The following FBXW9 variants were observed in gnomAD, a reference collection of about 807,000 sequenced individuals.
The protein encoded by FBXW9 is F-box/WD repeat-containing protein 9.
A neutral mutation model predicts 55.8 loss-of-function variants in FBXW9; 38 were observed. The ratio of observed to expected loss-of-function variants is 0.68; its 90% confidence interval spans 0.53 to 0.89. FBXW9 has a LOEUF of 0.89. Ranked by LOEUF, FBXW9 falls within the 40% of genes least tolerant of loss-of-function variation. The probability of loss-of-function intolerance (pLI) is 0.00; values close to 1 mark genes in which losing one functional copy is unlikely to be tolerated. For synonymous variants in FBXW9, 289 were observed against 278.2 expected (o/e 1.04, Z -0.38); for missense variants, 590 against 619.4 (o/e 0.95, Z 0.50).
intron 1 of FBXW9, 137 bp from the exon 2 acceptor site, chr19:12,695,075 C>A (rs2025057564): frequency 1.0e-6 from 1 of 992,546 alleles, no homozygotes; most frequent in Non-Finnish European, 1.4e-6. Context: ...TCCCTACTCC[C>A]ACCCCAAGCC....
Position 12,691,356 on chromosome 19 carries a change from C to G in FBXW9, c.777G>C (p.Gln259His), listed in dbSNP as rs1418960997. Residue 259 changes from glutamine to histidine, a missense_variant, in exon 4 of 10, where the codon CAG becomes CAC. Physicochemically the swap from Gln to His is conservative, Grantham distance 24 (BLOSUM62 0). Transcript: ENST00000393261. ...KLWDMAADGQ[Q>H]FGEIKASSAV... ...CCCCCACACACTTTATCTCGCCGAA[C>G]TGCTGCCCATCCGCTGCCATGTCCC... 1 of 1,613,818 alleles carries G rather than the reference C, an allele frequency of 6.2e-7. No individual in the cohort carries two copies.
Position 12,689,975 on chromosome 19 carries a change from A to G in FBXW9, c.1019T>C (p.Leu340Pro). The change falls in exon 6 of 10, where the codon CTG becomes CCG. Residue 340 changes from leucine (L) to proline (P), a missense_variant. Physicochemically the swap from Leu to Pro is moderately conservative, Grantham distance 98. Coordinates refer to ENST00000393261, the MANE Select transcript of FBXW9 (RefSeq NM_032301.3). The surrounding 1 kb of genome is among the most constrained non-coding windows in gnomAD (Gnocchi z 5.9). ...VVVDRRANSV[L>P]QRLQLDSYLL... ...GGGAGGGCCCACCTGCAGACGCTGC[A>G]GGACGCTGTTGGCTCGGCGGTCCAC... 1 of 1,613,864 alleles carries G rather than the reference A, an allele frequency of 6.2e-7. No homozygotes were observed. Among genetic ancestry groups the G allele is most frequent in the Non-Finnish European group, 8.5e-7 (1 of 1,179,950 alleles).
chr19:12,689,865 A>T lies in FBXW9; in HGVS notation c.1042T>A (p.Tyr348Asn). ...SVLQRLQLDSYLLCMSYQEPQ... is the reference protein window; with the variant it reads ...SVLQRLQLDSNLLCMSYQEPQ... Reference sequence around the variant, plus strand: ...TCCTGGTAGGACATGCAGAGCAGGTAGGAGTCCAGCTACGAGAGGGACAAG... The same window carrying T: ...TCCTGGTAGGACATGCAGAGCAGGTTGGAGTCCAGCTACGAGAGGGACAAG... Residue 348 changes from tyrosine (Y) to asparagine (N), a missense_variant, in exon 7 of 10, where the codon TAC becomes AAC. By Grantham distance (143) the Tyr-to-Asn change is moderately radical. Transcript: ENST00000393261. This position sits in a 1 kb window ranked among gnomAD's most constrained non-coding sequence, Gnocchi z 5.9. 6.2e-7 allele frequency: 1 copy of T among 1,614,004 alleles called. No homozygotes were observed. The highest frequency in any genetic ancestry group is 1.1e-5 in the South Asian group (1 of 91,088).
chr19:12,691,536 G>C (rs555940226), intron 3 of FBXW9, 82 bp from the exon 4 acceptor site: 1 of 1,181,014 alleles, frequency 8.5e-7, no homozygotes, highest in Non-Finnish European at 1.2e-6. Flanking sequence ...TTGCAGGTAA[G>C]GCTCAGAGAG....
intron 3 of FBXW9, 112 bp from the exon 4 acceptor site, chr19:12,691,566 G>C: frequency 1.2e-6 from 1 of 807,150 alleles, no homozygotes; most frequent in Non-Finnish European, 2.0e-6. Flanking sequence ...CTCACCCAAA[G>C]CCACATAGCT....
At chr19:12,694,173 CAA>C (rs780649866) in intron 3 of FBXW9, among the ~76,000 whole-genome samples, 24 of 90,006 alleles carry the variant, frequency 2.7e-4, no homozygotes, top group Admixed American at 3.8e-4. Context: ...GACTCCATCT[CAA>C]AAAAAAAAAA....
chr19:12,691,824 T>C, intron 3 of FBXW9, among the ~76,000 whole-genome samples: 1 of 151,904 alleles, frequency 6.6e-6, no homozygotes, highest in South Asian at 2.1e-4. Context: ...GGCTTGATCT[T>C]GGCTCACTGC....
chr19:12,690,961 C>T (rs539449465), intron 5 of FBXW9, among the ~76,000 whole-genome samples: 2 of 152,294 alleles, frequency 1.3e-5, no homozygotes, highest in South Asian at 4.1e-4. Flanking sequence ...AGTGGGACAG[C>T]CAGAACTCTA....
At chr19:12,695,765 G>A (rs998077342) in intron 1 of FBXW9, among the ~76,000 whole-genome samples, 1 of 152,148 alleles carries the variant, frequency 6.6e-6, no homozygotes. Flanking sequence ...CTTCTAAGCT[G>A]GACTCAGAAC....
Position 12,689,636 on chromosome 19 carries a change from G to C in FBXW9, c.1147-6C>G. ...CTGTGGCCCACATCAAAGGACTGCAGGAGGAGGATCAGGCAACACTCAGTC... is the reference window on the plus strand; with the variant it reads ...CTGTGGCCCACATCAAAGGACTGCACGAGGAGGATCAGGCAACACTCAGTC... On this transcript the variant is annotated splice_polypyrimidine_tract_variant and splice_region_variant and intron_variant, in intron 7 of 9. Coordinates refer to ENST00000393261, the MANE Select transcript of FBXW9 (RefSeq NM_032301.3). This position sits in a 1 kb window ranked among gnomAD's most constrained non-coding sequence, Gnocchi z 5.9. 6.2e-7 allele frequency: 1 copy of C among 1,613,940 alleles called. No homozygotes were observed. The highest frequency in any genetic ancestry group is 8.5e-7 in the Non-Finnish European group (1 of 1,179,854).
intron 3 of FBXW9, among the ~76,000 whole-genome samples, chr19:12,693,252 C>T (rs1474889725): frequency 6.6e-6 from 1 of 151,754 alleles, no homozygotes; most frequent in East Asian, 1.9e-4. Context: ...CCACCTCTCA[C>T]GAGATGACAG....
Position 12,693,580 on chromosome 19 carries a change from AC to A in FBXW9, c.678+1013del, listed in dbSNP as rs1327962193. On this transcript the variant is annotated intron_variant, in intron 3 of 9. Transcript: ENST00000393261. ...TATATATACACACACACACACACAC[AC>A]ACACACACACACACACACACACACA... 7.0e-3 allele frequency among the ~76,000 whole-genome samples: 769 copies of A among 109,232 alleles called. 93 individuals carry two copies. Among genetic ancestry groups the A allele is most frequent in the African/African-American group, 0.027 (408 of 15,088 alleles). The allele number at this position is 109,232 out of a possible 152,430, so 71.7% of individuals were successfully genotyped here.
At chr19:12,695,134 G>A (rs10417846) in intron 1 of FBXW9, among the ~76,000 whole-genome samples, 196 bp from the exon 2 acceptor site, 21,157 of 152,178 alleles carry the variant, frequency 0.14, 4,411 homozygotes, top group African/African-American at 0.45. Flanking sequence ...TTCCCAGGCA[G>A]GTCTAGGACT....
chr19:12,694,905 G>A lies in FBXW9; in HGVS notation c.443C>T (p.Ala148Val), dbSNP rs368661159. The change falls in exon 2 of 10, where the codon GCG becomes GTG. Residue 148 changes from alanine (A) to valine (V), a missense_variant. Coordinates refer to ENST00000393261, the MANE Select transcript of FBXW9 (RefSeq NM_032301.3). ...CCAGCGGGACAGGTGCTGCTCCAGCGCAATGCAGGCTGCCGGCCAGTCAAA... is the reference window on the plus strand; with the variant it reads ...CCAGCGGGACAGGTGCTGCTCCAGCACAATGCAGGCTGCCGGCCAGTCAAA... ...KNFDWPAACI[A>V]LEQHLSRWAE... The A allele has an allele frequency of 2.8e-5, 45 of 1,613,944 alleles. No individual in the cohort carries two copies. The highest frequency in any genetic ancestry group is 3.6e-5 in the Non-Finnish European group (43 of 1,180,028).
rs777919654 is a variant in FBXW9, at chr19:12,689,722, C to CG, written c.1146+38dup. 13 of 1,609,490 alleles carry CG rather than the reference C, an allele frequency of 8.1e-6. No homozygotes were observed. Among genetic ancestry groups the CG allele is most frequent in the African/African-American group, 8.0e-5 (6 of 74,856 alleles). The stretch of plus-strand genomic sequence containing the variant: ...CAGGGGCTCGGGTAGGAAGGAAGCC[C>CG]GGGGGGAGGGACAGTCAGGGGCAGG... On this transcript the variant is annotated intron_variant, in intron 7 of 9. Transcript: ENST00000393261. The surrounding 1 kb of genome is among the most constrained non-coding windows in gnomAD (Gnocchi z 5.9).
rs769326463 is a variant in FBXW9 at position 12,689,286 on chromosome 19, C to T, written c.1307G>A (p.Cys436Tyr). 3.1e-6 allele frequency: 5 copies of T among 1,614,124 alleles called. No individual in the cohort carries two copies. Among genetic ancestry groups the T allele is most frequent in the Non-Finnish European group, 4.2e-6 (5 of 1,180,044 alleles). Residue 436 changes from cysteine to tyrosine, a missense_variant, in exon 10 of 10, where the codon TGT becomes TAT. By Grantham distance (194) the Cys-to-Tyr change is radical. Coordinates refer to ENST00000393261, the MANE Select transcript of FBXW9 (RefSeq NM_032301.3). The surrounding 1 kb of genome is among the most constrained non-coding windows in gnomAD (Gnocchi z 5.9). ...RRHDNGLNRV[C>Y]AEGNLVVAGS... ...GGCCACCACCAGGTTGCCCTCAGCA[C>T]AGACCTGGGAAGGGGGAGGAACATG... is the stretch of plus-strand genomic sequence containing the variant.
chr19:12,691,390 A>C lies in FBXW9; in HGVS notation c.743T>G (p.Val248Gly). The change falls in exon 4 of 10, where the codon GTG (valine) becomes GGG (glycine). Residue 248 changes from valine to glycine, a missense_variant. Transcript: ENST00000393261. ...ATCCGCTGCCATGTCCCAGAGCTTC[A>C]CTGTGCTGTCCCAGGAGCCGGAGCA... is the stretch of plus-strand genomic sequence containing the variant. ...RVCSGSWDST[V>G]KLWDMAADGQ... is the part of the protein sequence containing the mutation. 1.9e-6 allele frequency: 3 copies of C among 1,612,530 alleles called. No individual in the cohort carries two copies. The highest frequency in any genetic ancestry group is 2.5e-6 in the Non-Finnish European group (3 of 1,179,422).
In FBXW9 at chr19:12,689,119, C is replaced by G. The variant is rs762046069; in HGVS notation, c.*97G>C. ...TGGGACTCCTTGTGCCCTAGGCCCACGGGGCGGAGGCAGCACCAACATTGG... is the reference window on the plus strand; with the variant it reads ...TGGGACTCCTTGTGCCCTAGGCCCAGGGGGCGGAGGCAGCACCAACATTGG... On this transcript the variant is annotated 3_prime_UTR_variant, in exon 10 of 10. Transcript: ENST00000393261. This position sits in a 1 kb window ranked among gnomAD's most constrained non-coding sequence, Gnocchi z 5.9. 7.9e-6 allele frequency: 8 copies of G among 1,007,954 alleles called. No individual in the cohort carries two copies. The highest frequency in any genetic ancestry group is 1.3e-5 in the Non-Finnish European group (8 of 636,446). 62.4% of individuals were successfully genotyped at this position (1,007,954 alleles called of 1,614,324 possible).
chr19:12,696,006 G>A (rs541070114), intron 1 of FBXW9, among the ~76,000 whole-genome samples, 167 bp downstream of exon 1: 1 of 152,166 alleles, frequency 6.6e-6, no homozygotes, highest in Non-Finnish European at 1.5e-5. Context: ...GTCCTCAGGG[G>A]CTTCGGCACC....
Sources: allele counts gnomAD v4.1 joint callset (sites outside exome capture counted in the v4.1 genomes callset), GRCh38; gene constraint gnomAD v4.1.1; non-coding constraint Gnocchi (gnomAD v3.1); transcripts MANE v1.5; gene names NCBI Gene and HGNC (gene_info 2026-07-23, HGNC 2026-07-21).